PITPNM3: variants seen among roughly 807,000 people sequenced by gnomAD.
PITPNM3 encodes the protein membrane-associated phosphatidylinositol transfer protein 3.
PITPNM3 carries 26 observed loss-of-function variants against 102.0 expected under a neutral mutation model. That is an observed-to-expected ratio of 0.25 (90% CI 0.19 to 0.35). The LOEUF (loss-of-function observed/expected upper bound fraction) is 0.35, where lower values mean the gene tolerates loss of function less well. Ranked by LOEUF, PITPNM3 falls within the 10% of genes least tolerant of loss-of-function variation. The pLI is 1.00. For missense variants in PITPNM3, 1,083 were observed against 1,346.1 expected (o/e 0.80, Z 3.06); for synonymous variants, 578 against 558.6 (o/e 1.03, Z -0.49).
chr17:6,515,347 G>A (rs1228303765), intron 3 of PITPNM3, among the ~76,000 whole-genome samples: 7 of 145,372 alleles, frequency 4.8e-5, no homozygotes, highest in African/African-American at 1.0e-4. Flanking sequence ...GCAGTGAGCC[G>A]AGGTTGCACC....
At chr17:6,543,043 G>C (rs1221746804) in intron 1 of PITPNM3, among the ~76,000 whole-genome samples, 2 of 152,184 alleles carry the variant, frequency 1.3e-5, no homozygotes, top group Non-Finnish European at 2.9e-5. Context: ...TATTTAAAAT[G>C]TTAAGTCAGG....
chr17:6,546,248 G>A (rs1910014955), intron 1 of PITPNM3, among the ~76,000 whole-genome samples: 1 of 152,210 alleles, frequency 6.6e-6, no homozygotes, highest in South Asian at 2.1e-4. Flanking sequence ...TCATGTGCTC[G>A]TCTGTTTCAG....
chr17:6,493,714 G>A (rs1324081484), intron 4 of PITPNM3, among the ~76,000 whole-genome samples: 2 of 152,226 alleles, frequency 1.3e-5, no homozygotes, highest in African/African-American at 4.8e-5. Context: ...ACCAGGCTAA[G>A]GTGATGTGTT....
At chr17:6,483,373 A>G in intron 6 of PITPNM3, 144 bp downstream of exon 6, 1 of 820,040 alleles carries the variant, frequency 1.2e-6, no homozygotes, top group Non-Finnish European at 2.1e-6. Context: ...TCCACCAGGG[A>G]TGCTTGTGTT....
chr17:6,497,618 G>A (rs1229055673), intron 4 of PITPNM3, among the ~76,000 whole-genome samples: 2 of 152,220 alleles, frequency 1.3e-5, no homozygotes, highest in African/African-American at 2.4e-5. Context: ...CTGCTCTAAT[G>A]TGTGGACGTG....
intron 3 of PITPNM3, among the ~76,000 whole-genome samples, chr17:6,511,343 C>T (rs1323135424): frequency 6.6e-6 from 1 of 152,170 alleles, no homozygotes; most frequent in African/African-American, 2.4e-5. Flanking sequence ...TAGTCTTTTT[C>T]TCCTCCTCCA....
rs563876566 is a variant in PITPNM3, at chr17:6,476,921, T to G, written c.1085+108A>C. On this transcript the variant is annotated intron_variant, in intron 9 of 19. Coordinates refer to ENST00000262483, the MANE Select transcript of PITPNM3 (RefSeq NM_031220.4). ...AGTGGCCTTGGTCCCAGCATTTCAG[T>G]GCTTATCTATGGGCCCCCATGGAAG... is the stretch of plus-strand genomic sequence containing the variant. 11 of 1,371,966 alleles carry G rather than the reference T, an allele frequency of 8.0e-6. No individual in the cohort carries two copies. The South Asian group carries it at 1.1e-4, about 14-fold the overall frequency. 85.0% of individuals were successfully genotyped at this position (1,371,966 alleles called of 1,614,324 possible).
At chr17:6,551,979 T>C (rs574362295) in intron 1 of PITPNM3, among the ~76,000 whole-genome samples, 7 of 152,274 alleles carry the variant, frequency 4.6e-5, no homozygotes, top group South Asian at 4.1e-4. Flanking sequence ...TTCTGTGACG[T>C]TGGCCAAATA....
In PITPNM3 at chr17:6,459,645, C is replaced by A. The variant is rs1010164189; in HGVS notation, c.2490+1728G>T. Among the ~76,000 whole-genome samples the A allele has an allele frequency of 5.9e-5, 9 of 152,198 alleles. No individual in the cohort carries two copies. Among genetic ancestry groups the A allele is most frequent in the Non-Finnish European group, 1.0e-4 (7 of 68,044 alleles). ...TCATTCACTCACTCATTCATTTATT[C>A]ATTCTACCAACATTTATGGAGTCCC... On this transcript the variant is annotated intron_variant, in intron 18 of 19. Coordinates refer to ENST00000262483, the MANE Select transcript of PITPNM3 (RefSeq NM_031220.4). This position sits in a 1 kb window ranked among gnomAD's most constrained non-coding sequence, Gnocchi z 5.0.
chr17:6,543,519 G>T (rs1909842678), intron 1 of PITPNM3, among the ~76,000 whole-genome samples: 1 of 152,254 alleles, frequency 6.6e-6, no homozygotes, highest in African/African-American at 2.4e-5. Context: ...TCACAGTGAG[G>T]AACGCCCTGA....
At chr17:6,482,247 T>C (rs547031971) in intron 6 of PITPNM3, among the ~76,000 whole-genome samples, 12 of 152,136 alleles carry the variant, frequency 7.9e-5, no homozygotes, top group African/African-American at 2.9e-4. Flanking sequence ...ACAGGCCCTG[T>C]TGGGTTTCCC....
chr17:6,485,868 T>C (rs573671537), intron 4 of PITPNM3, among the ~76,000 whole-genome samples: 1 of 152,364 alleles, frequency 6.6e-6, no homozygotes, highest in South Asian at 2.1e-4. Flanking sequence ...TAAAGTTTTA[T>C]TGGAACACAC....
Position 6,556,546 on chromosome 17 carries a change from A to AGCC in PITPNM3, c.-143_-141dup, listed in dbSNP as rs1422259333. The AGCC allele has an allele frequency of 2.3e-6, 1 of 426,174 alleles. No homozygotes were observed. The highest frequency in any genetic ancestry group is 3.0e-6 in the Non-Finnish European group (1 of 331,764). 26.4% of individuals were successfully genotyped at this position (426,174 alleles called of 1,614,324 possible). ...CGCTCGCCTCGGCTGCCGCCACCGCAGCCGCCGCCGCCTCGCCGCTCCCTC... is the reference window on the plus strand; with the variant it reads ...CGCTCGCCTCGGCTGCCGCCACCGCAGCCGCCGCCGCCGCCTCGCCGCTCCCTC... On this transcript the variant is annotated 5_prime_UTR_variant, in exon 1 of 20. Coordinates refer to ENST00000262483, the MANE Select transcript of PITPNM3 (RefSeq NM_031220.4). This position sits in a 1 kb window ranked among gnomAD's most constrained non-coding sequence, Gnocchi z 5.2.
intron 3 of PITPNM3, among the ~76,000 whole-genome samples, chr17:6,521,897 G>A: frequency 6.6e-6 from 1 of 152,098 alleles, no homozygotes; most frequent in South Asian, 2.1e-4. Flanking sequence ...TTTATAGCAG[G>A]GACACTTGAA....
Position 6,540,725 on chromosome 17 carries a change from C to A in PITPNM3, c.23-2643G>T, listed in dbSNP as rs1370445779. ...CCAGGCTGGAGTGCAATGGTGCGATCTTGGCTCACTGCAACCTTCACCTCC... is the reference window on the plus strand; with the variant it reads ...CCAGGCTGGAGTGCAATGGTGCGATATTGGCTCACTGCAACCTTCACCTCC... On this transcript the variant is annotated intron_variant, in intron 1 of 19. Coordinates refer to ENST00000262483, the MANE Select transcript of PITPNM3 (RefSeq NM_031220.4). 3.9e-5 allele frequency among the ~76,000 whole-genome samples: 6 copies of A among 152,328 alleles called. No homozygotes were observed. The East Asian group carries it at 7.7e-4, about 20-fold the overall frequency.
chr17:6,465,106 G>A (rs1338116167), intron 14 of PITPNM3, among the ~76,000 whole-genome samples: 1 of 152,212 alleles, frequency 6.6e-6, no homozygotes, highest in Non-Finnish European at 1.5e-5. Flanking sequence ...AGGCTGGAGT[G>A]CAATGGCGCA....
rs1205434055 is a variant in PITPNM3 at position 6,556,001 on chromosome 17, T to C, written c.22+384A>G. Among the ~76,000 whole-genome samples the C allele has an allele frequency of 6.6e-6, 1 of 151,962 alleles. No homozygotes were observed. Among genetic ancestry groups the C allele is most frequent in the Admixed American group, 6.5e-5 (1 of 15,280 alleles). On this transcript the variant is annotated intron_variant, in intron 1 of 19. Transcript: ENST00000262483. The surrounding 1 kb of genome is among the most constrained non-coding windows in gnomAD (Gnocchi z 5.2). Reference sequence around the variant, plus strand: ...TGCAGGAGCAGGGGGCGCGTCCCGGTTTGCGTTGGGGTGTGGGACGAAGCG... The same window carrying C: ...TGCAGGAGCAGGGGGCGCGTCCCGGCTTGCGTTGGGGTGTGGGACGAAGCG...
At chr17:6,476,605 C>T (rs1236385776) in intron 9 of PITPNM3, among the ~76,000 whole-genome samples, 1 of 152,250 alleles carries the variant, frequency 6.6e-6, no homozygotes, top group East Asian at 1.9e-4. Flanking sequence ...TAGAAAGTTC[C>T]TGACCTACTT....
chr17:6,544,654 T>TCTCTCTCTCTCTCTCTCA (rs376230474), intron 1 of PITPNM3, among the ~76,000 whole-genome samples: 10 of 130,206 alleles, frequency 7.7e-5, no homozygotes, highest in Non-Finnish European at 1.3e-4. Context: ...TCTCTCTCTC[T>TCTCTCTCTCTCTCTCTCA]CACACACACA....
Sources: gnomAD v4.1 joint callset for allele counts (sites outside exome capture counted in the v4.1 genomes callset) on GRCh38, gnomAD v4.1.1 for gene constraint, Gnocchi (gnomAD v3.1) non-coding constraint, MANE v1.5 for transcripts, NCBI Gene and HGNC (gene_info 2026-07-23, HGNC 2026-07-21) for gene names.